The following CDIN1 variants were observed in gnomAD, a reference collection of about 807,000 sequenced individuals.
CDIN1 encodes the protein CDAN1 interacting nuclease 1.
Under a neutral mutation model 45.3 loss-of-function variants are expected in CDIN1, and 33 were observed. The ratio of observed to expected loss-of-function variants is 0.73; its 90% CI spans 0.55 to 0.97. The LOEUF (loss-of-function observed/expected upper bound fraction) is 0.97, where lower values mean the gene tolerates loss of function less well. Among genes scored for constraint, CDIN1 ranks in the 50% least tolerant of loss-of-function variants. The pLI is 0.00. For missense variants in CDIN1, 303 were observed against 339.4 expected (o/e 0.89, Z 0.84); for synonymous variants, 118 against 124.4 (o/e 0.95, Z 0.34).
At chr15:36,749,594 C>T (rs2053403295) in intron 10 of CDIN1, among the ~76,000 whole-genome samples, 1 of 152,176 alleles carries the variant, frequency 6.6e-6, no homozygotes, top group Non-Finnish European at 1.5e-5. Context: ...TGGCTGTCTG[C>T]CGCTAGATCG....
intron 1 of CDIN1, 38 bp downstream of exon 1, chr15:36,579,999 TGCA>T: frequency 1.3e-6 from 2 of 1,579,870 alleles, no homozygotes; most frequent in South Asian, 1.1e-5. Flanking sequence ...GCCCTTTGCC[TGCA>T]GCAGCAGTGC....
chr15:36,585,217 C>T (rs1445116464), intron 1 of CDIN1, among the ~76,000 whole-genome samples: 1 of 152,162 alleles, frequency 6.6e-6, no homozygotes, highest in East Asian at 1.9e-4. Context: ...ACCCTTCACC[C>T]AGCTTCTCTT....
chr15:36,584,809 C>T (rs7169437), intron 1 of CDIN1, among the ~76,000 whole-genome samples: 55,484 of 151,998 alleles, frequency 0.37, 10,283 homozygotes, highest in Middle Eastern at 0.46. Context: ...TTCACGCAGA[C>T]GTCAGGAGAA....
intron 10 of CDIN1, among the ~76,000 whole-genome samples, chr15:36,755,447 T>C (rs1379332614): frequency 6.6e-6 from 1 of 152,206 alleles, no homozygotes; most frequent in Non-Finnish European, 1.5e-5. Context: ...CTCCTCTGCA[T>C]AGTCATTAAA....
intron 1 of CDIN1, among the ~76,000 whole-genome samples, chr15:36,594,514 A>C (rs1330056016): frequency 4.6e-5 from 7 of 152,058 alleles, no homozygotes; most frequent in Non-Finnish European, 8.8e-5. Context: ...AGCTTTTTGG[A>C]CGATTGTATT....
intron 1 of CDIN1, among the ~76,000 whole-genome samples, chr15:36,612,628 G>A (rs550825476): frequency 1.2e-4 from 19 of 152,284 alleles, no homozygotes; most frequent in African/African-American, 4.1e-4. Context: ...TAGCCTTTTA[G>A]TAAGCTTGGC....
At chr15:36,785,824 A>G (rs1441482904) in intron 10 of CDIN1, among the ~76,000 whole-genome samples, 1 of 152,098 alleles carries the variant, frequency 6.6e-6, no homozygotes, top group Non-Finnish European at 1.5e-5. Flanking sequence ...TTACCCCTCT[A>G]TTTGCTAGGA....
intron 1 of CDIN1, 118 bp downstream of exon 1, chr15:36,580,079 GGC>G (rs1371099717): frequency 2.4e-6 from 2 of 829,904 alleles, no homozygotes; most frequent in Non-Finnish European, 3.8e-6. Flanking sequence ...ACCAGTGTCA[GGC>G]GTTAGGAGGT....
intron 8 of CDIN1, chr15:36,707,990 C>G (rs1366926673): frequency 6.6e-6 from 1 of 152,082 alleles, no homozygotes; most frequent in African/African-American, 2.4e-5. Context: ...ATCTAGACAG[C>G]TTAAGGATAT....
intron 1 of CDIN1, among the ~76,000 whole-genome samples, chr15:36,590,928 A>G (rs2037540542): frequency 6.6e-6 from 1 of 152,240 alleles, no homozygotes; most frequent in East Asian, 1.9e-4. Context: ...TCAGCCTAGT[A>G]TGAATGATCC....
rs2041686450 is a variant in CDIN1, at chr15:36,677,416, GA to G, written c.347-14266del. Among the ~76,000 whole-genome samples the G allele has an allele frequency of 2.0e-5, 3 of 152,084 alleles. No individual in the cohort carries two copies. The South Asian group carries it at 6.2e-4, about 32-fold the overall frequency. On this transcript the variant is annotated intron_variant, in intron 5 of 10. Transcript: ENST00000566621. ...ATAAGGGCCACATAAATCCAAGCTT[GA>G]AATCTGAAACCTTGTAGCCTCACCA...
At chr15:36,635,470 G>C (rs1022905250) in intron 1 of CDIN1, among the ~76,000 whole-genome samples, 5 of 152,110 alleles carry the variant, frequency 3.3e-5, no homozygotes, top group South Asian at 2.1e-4. Flanking sequence ...TTGTATACAT[G>C]AGTCCTGCAG....
chr15:36,648,427 A>ATT (rs4008147), intron 3 of CDIN1, among the ~76,000 whole-genome samples: 36,915 of 90,886 alleles, frequency 0.41, 10,870 homozygotes, highest in East Asian at 0.59. Context: ...CCAATATTCT[A>ATT]TTTTTTTTTT....
intron 10 of CDIN1, among the ~76,000 whole-genome samples, chr15:36,722,071 A>G (rs919826391): frequency 6.6e-6 from 1 of 152,050 alleles, no homozygotes; most frequent in Non-Finnish European, 1.5e-5. Context: ...TTTGTTTTTT[A>G]ACTTTGAACA....
chr15:36,667,311 A>T (rs75076076), intron 5 of CDIN1, among the ~76,000 whole-genome samples: 1 of 152,190 alleles, frequency 6.6e-6, no homozygotes, highest in Non-Finnish European at 1.5e-5. Context: ...GTCACATAGC[A>T]CTATATGTCT....
At chr15:36,679,704 A>T (rs755507608) in intron 5 of CDIN1, among the ~76,000 whole-genome samples, 3 of 152,178 alleles carry the variant, frequency 2.0e-5, no homozygotes, top group Non-Finnish European at 4.4e-5. Flanking sequence ...TCTTAAACTT[A>T]TGCATCATTA....
At chr15:36,589,918 A>G (rs1050165652) in intron 1 of CDIN1, among the ~76,000 whole-genome samples, 5 of 152,214 alleles carry the variant, frequency 3.3e-5, no homozygotes, top group African/African-American at 1.2e-4. Flanking sequence ...GAAAGATGGT[A>G]CATGCTGATC....
chr15:36,755,983 T>C (rs1464181670), intron 10 of CDIN1: 1 of 444,198 alleles, frequency 2.3e-6, no homozygotes, highest in Non-Finnish European at 4.5e-6. Context: ...AGAGAACCAG[T>C]GTGCCACACT....
intron 5 of CDIN1, among the ~76,000 whole-genome samples, chr15:36,673,880 C>T (rs1346042594): frequency 1.3e-5 from 2 of 152,052 alleles, no homozygotes; most frequent in African/African-American, 4.8e-5. Context: ...AATTCAGAAA[C>T]ACACACTGTA....
Sources: gnomAD v4.1 joint callset for allele counts (sites outside exome capture counted in the v4.1 genomes callset) on GRCh38, gnomAD v4.1.1 for gene constraint, MANE v1.5 for transcripts, NCBI Gene and HGNC (gene_info 2026-07-23, HGNC 2026-07-21) for gene names.